Variants in PCED1B observed in about 807,000 individuals in gnomAD.
PCED1B encodes PC-esterase domain-containing protein 1B.
For missense variants in PCED1B, 573 were observed against 573.9 expected (o/e 1.00, Z 0.02); for synonymous variants, 251 against 246.1 (o/e 1.02, Z -0.19).
At chr12:47,085,138 C>T (rs191675679) in intron 1 of PCED1B, among the ~76,000 whole-genome samples, 90 of 152,248 alleles carry the variant, frequency 5.9e-4, no homozygotes, top group African/African-American at 2.1e-3. Context: ...AGCAAGACTC[C>T]GTCTCAAAAC....
intron 3 of PCED1B, among the ~76,000 whole-genome samples, chr12:47,228,226 G>A (rs1943692889): frequency 6.6e-6 from 1 of 152,040 alleles, no homozygotes; most frequent in South Asian, 2.1e-4. Context: ...TGTAGAGACA[G>A]GGTTTCACCA....
intron 2 of PCED1B, among the ~76,000 whole-genome samples, chr12:47,180,884 T>G (rs1240041570): frequency 2.6e-5 from 4 of 152,342 alleles, no homozygotes; most frequent in Non-Finnish European, 5.9e-5. Flanking sequence ...TGGTTTTTTA[T>G]TCTATACTTT....
intron 2 of PCED1B, among the ~76,000 whole-genome samples, chr12:47,189,229 G>A (rs1388725388): frequency 6.6e-6 from 1 of 152,146 alleles, no homozygotes; most frequent in Admixed American, 6.6e-5. Flanking sequence ...TTTTTAGATT[G>A]TTCAAGACAG....
At chr12:47,145,662 A>G (rs1483527642) in intron 2 of PCED1B, among the ~76,000 whole-genome samples, 1 of 152,226 alleles carries the variant, frequency 6.6e-6, no homozygotes, top group African/African-American at 2.4e-5. Flanking sequence ...TAGAAATGGA[A>G]CAAACCCTGG....
chr12:47,177,586 T>A (rs1406203057), intron 2 of PCED1B, among the ~76,000 whole-genome samples: 1 of 152,174 alleles, frequency 6.6e-6, no homozygotes, highest in African/African-American at 2.4e-5. Context: ...TATGTTGTAC[T>A]GATGCCTTAG....
chr12:47,105,577 A>G (rs1056198327), intron 2 of PCED1B, among the ~76,000 whole-genome samples: 8 of 152,158 alleles, frequency 5.3e-5, no homozygotes, highest in African/African-American at 1.9e-4. Context: ...ATGAAAAGGA[A>G]AATAAAATGC....
At chr12:47,229,567 TCATATACAG>T (rs887171842) in intron 3 of PCED1B, among the ~76,000 whole-genome samples, 8 of 152,206 alleles carry the variant, frequency 5.3e-5, no homozygotes, top group African/African-American at 1.4e-4. Flanking sequence ...CATTTATGTT[TCATATACAG>T]CATATACACA....
At chr12:47,160,948 C>G (rs1941358390) in intron 2 of PCED1B, among the ~76,000 whole-genome samples, 2 of 152,112 alleles carry the variant, frequency 1.3e-5, no homozygotes, top group South Asian at 2.1e-4. Context: ...TGGATTAGTT[C>G]CTACAAGAGT....
At chr12:47,225,592 A>G (rs765930067) in intron 3 of PCED1B, among the ~76,000 whole-genome samples, 7 of 152,256 alleles carry the variant, frequency 4.6e-5, no homozygotes, top group African/African-American at 7.2e-5. Flanking sequence ...CTCATTAAAA[A>G]TAATTCTTTA....
At chr12:47,100,688 C>T (rs1480483014) in intron 1 of PCED1B, among the ~76,000 whole-genome samples, 6 of 152,188 alleles carry the variant, frequency 3.9e-5, no homozygotes, top group Non-Finnish European at 7.3e-5. Context: ...TATTTTCACA[C>T]TTTCTGGCCT....
At chr12:47,084,492 C>A (rs1937888360) in intron 1 of PCED1B, among the ~76,000 whole-genome samples, 2 of 152,238 alleles carry the variant, frequency 1.3e-5, no homozygotes, top group African/African-American at 4.8e-5. Flanking sequence ...CAGCCCCTGG[C>A]AACCACTAAT....
chr12:47,227,959 C>T (rs1943683900), intron 3 of PCED1B, among the ~76,000 whole-genome samples: 1 of 152,042 alleles, frequency 6.6e-6, no homozygotes, highest in Admixed American at 6.5e-5. Context: ...GATATAGGAC[C>T]TCCAGAAGTC....
chr12:47,203,125 A>T (rs1281707067), intron 2 of PCED1B, among the ~76,000 whole-genome samples: 1 of 151,790 alleles, frequency 6.6e-6, no homozygotes. Context: ...AGCCGCCACC[A>T]TGCCCGGCTA....
At chr12:47,105,008 C>T (rs1034991034) in intron 2 of PCED1B, among the ~76,000 whole-genome samples, 8 of 152,194 alleles carry the variant, frequency 5.3e-5, no homozygotes, top group South Asian at 2.1e-4. Flanking sequence ...GCAGACCTTA[C>T]GCTCATGCCG....
intron 2 of PCED1B, among the ~76,000 whole-genome samples, chr12:47,123,512 G>A (rs552828839): frequency 6.6e-6 from 1 of 152,112 alleles, no homozygotes; most frequent in Admixed American, 6.5e-5. Context: ...GATATACACA[G>A]TTTCATAGAA....
At chr12:47,109,900 A>G (rs1249439873) in intron 2 of PCED1B, among the ~76,000 whole-genome samples, 1 of 152,184 alleles carries the variant, frequency 6.6e-6, no homozygotes, top group Non-Finnish European at 1.5e-5. Flanking sequence ...ATCACTGAAC[A>G]TGATGATCTC....
intron 2 of PCED1B, among the ~76,000 whole-genome samples, chr12:47,141,657 A>G (rs1940597300): frequency 1.3e-5 from 2 of 152,142 alleles, no homozygotes. Context: ...TGAGAGGCCC[A>G]TCTGCTTACC....
At chr12:47,228,442 G>A (rs1943699531) in intron 3 of PCED1B, among the ~76,000 whole-genome samples, 1 of 151,998 alleles carries the variant, frequency 6.6e-6, no homozygotes, top group Non-Finnish European at 1.5e-5. Flanking sequence ...ATCTCTCCTG[G>A]GCAGAGGAGA....
chr12:47,142,582 C>A (rs1309263991), intron 2 of PCED1B, among the ~76,000 whole-genome samples: 1 of 151,142 alleles, frequency 6.6e-6, no homozygotes, highest in Non-Finnish European at 1.5e-5. Flanking sequence ...TGGAAACAAT[C>A]CATAAACAAA....
Sources: allele counts gnomAD v4.1 joint callset (sites outside exome capture counted in the v4.1 genomes callset), GRCh38; gene constraint gnomAD v4.1.1; transcripts MANE v1.5; gene names NCBI Gene and HGNC (gene_info 2026-07-23, HGNC 2026-07-21).